Variants in GLIPR1L2 observed in about 807,000 individuals in gnomAD.
GLIPR1L2 encodes GLIPR1 like 2.
A neutral mutation model predicts 28.4 loss-of-function variants in GLIPR1L2; 21 were observed. The observed-to-expected ratio is 0.74, with a 90% CI of 0.52 to 1.06. GLIPR1L2 has a LOEUF of 1.06. GLIPR1L2 is among the 50% of genes least tolerant of loss of function. The probability of loss-of-function intolerance (pLI) is 0.00; values close to 1 mark genes in which losing one functional copy is unlikely to be tolerated. For missense variants in GLIPR1L2, 476 were observed against 416.9 expected, an observed-to-expected ratio of 1.14 and a Z score of -1.23; for synonymous variants, 145 against 139.3, an observed-to-expected ratio of 1.04 and a Z score of -0.29.
At position 75,401,382 on chromosome 12, in the gene GLIPR1L2, G is replaced by GA. The variant is rs548271223; in HGVS notation, c.235-9043dup. The stretch of plus-strand genomic sequence containing the variant: ...AGATAAAAAGAAATACTATGTATTG[G>GA]AAAAAAAAAGGTATAATCCATGAAG... On this transcript the variant is annotated intron_variant, in intron 1 of 5. Transcript: ENST00000550916. 5.5e-3 allele frequency among the ~76,000 whole-genome samples: 813 copies of GA among 148,932 alleles called. 5 individuals carry two copies. Among genetic ancestry groups the GA allele is most frequent in the Non-Finnish European group, 7.5e-3 (503 of 67,002 alleles).
At chr12:75,426,630 A>G (rs2046036919) in intron 4 of GLIPR1L2, among the ~76,000 whole-genome samples, 1 of 152,234 alleles carries the variant, frequency 6.6e-6, no homozygotes, top group Admixed American at 6.5e-5. Flanking sequence ...TTTCAGCTCT[A>G]CAATACAAAA....
intron 1 of GLIPR1L2, among the ~76,000 whole-genome samples, chr12:75,408,901 T>A (rs151127613): frequency 4.5e-4 from 69 of 152,176 alleles, no homozygotes; most frequent in African/African-American, 1.6e-3. Context: ...GCAATTTTTT[T>A]AATAGTGGTT....
chr12:75,394,955 C>G (rs2045668127), intron 1 of GLIPR1L2, among the ~76,000 whole-genome samples: 1 of 151,636 alleles, frequency 6.6e-6, no homozygotes, highest in African/African-American at 2.4e-5. Flanking sequence ...ATGTTTTTCC[C>G]TCTTTGGCTA....
At chr12:75,416,838 T>G (rs933567941) in intron 3 of GLIPR1L2, among the ~76,000 whole-genome samples, 4 of 152,132 alleles carry the variant, frequency 2.6e-5, no homozygotes, top group Non-Finnish European at 4.4e-5. Flanking sequence ...CAAGTCTACC[T>G]TGAAGGATCT....
intron 2 of GLIPR1L2, among the ~76,000 whole-genome samples, chr12:75,412,302 A>G (rs1170405438): frequency 1.3e-5 from 2 of 151,986 alleles, no homozygotes; most frequent in Admixed American, 6.6e-5. Context: ...TTCTGGATCA[A>G]CCGTGTTCTC....
intron 4 of GLIPR1L2, among the ~76,000 whole-genome samples, chr12:75,429,913 CCTTTT>C (rs201000308): frequency 0.045 from 5,354 of 119,248 alleles, 125 homozygotes; most frequent in East Asian, 0.065. Flanking sequence ...GTCAATTAAA[CCTTTT>C]CTTTTCTTTT....
chr12:75,428,922 C>T (rs79572850), intron 4 of GLIPR1L2, among the ~76,000 whole-genome samples: 6,148 of 152,268 alleles, frequency 0.04, 135 homozygotes, highest in East Asian at 0.054. Context: ...GGAGCCTTCA[C>T]GTAGATTTCA....
rs1324239890 is a variant in GLIPR1L2 at position 75,431,655 on chromosome 12, A to G, written c.*494A>G. 1.3e-5 allele frequency: 2 copies of G among 152,440 alleles called. No homozygotes were observed. The highest frequency in any genetic ancestry group is 4.8e-5 in the African/African-American group (2 of 41,414). 9.4% of individuals were successfully genotyped at this position (152,440 alleles called of 1,614,324 possible). A position where few individuals can be genotyped will look rare whatever the true frequency, so the allele number is the denominator to read the frequency against. ...ATTTTCATGTGATATTAAGGTATCT[A>G]ATATTATTATTTGTCTTTGTGGTTT... On this transcript the variant is annotated 3_prime_UTR_variant, in exon 6 of 6. Coordinates refer to ENST00000550916, the MANE Select transcript of GLIPR1L2 (RefSeq NM_001270396.2).
At chr12:75,393,555 T>G (rs2045652895) in intron 1 of GLIPR1L2, among the ~76,000 whole-genome samples, 1 of 152,136 alleles carries the variant, frequency 6.6e-6, no homozygotes, top group Non-Finnish European at 1.5e-5. Flanking sequence ...TCACCCATGT[T>G]GTAGCATGTG....
intron 3 of GLIPR1L2, among the ~76,000 whole-genome samples, chr12:75,417,803 A>G (rs1437543671): frequency 1.3e-5 from 2 of 152,092 alleles, no homozygotes; most frequent in Non-Finnish European, 2.9e-5. Context: ...ATAATTATTT[A>G]CTAGTCCTTA....
At chr12:75,396,321 GC>G (rs1026041590) in intron 1 of GLIPR1L2, among the ~76,000 whole-genome samples, 3 of 151,722 alleles carry the variant, frequency 2.0e-5, no homozygotes, top group African/African-American at 7.3e-5. Context: ...TCACCACCAC[GC>G]CCAGCTGATT....
At chr12:75,417,102 G>T (rs1477614656) in intron 3 of GLIPR1L2, among the ~76,000 whole-genome samples, 1 of 152,038 alleles carries the variant, frequency 6.6e-6, no homozygotes. Flanking sequence ...TACTTAAATG[G>T]CAAAAGTGTG....
chr12:75,419,011 C>T (rs2134140), intron 3 of GLIPR1L2, among the ~76,000 whole-genome samples: 26,570 of 151,222 alleles, frequency 0.18, 2,571 homozygotes, highest in Admixed American at 0.24. Context: ...TGGGGCCTGT[C>T]GGGGTGGGGT....
In GLIPR1L2 at chr12:75,430,857, C is replaced by A. The variant is rs1461758982; in HGVS notation, c.731C>A (p.Pro244His). 1 of 1,534,432 alleles carries A rather than the reference C, an allele frequency of 6.5e-7. No individual in the cohort carries two copies. The highest frequency in any genetic ancestry group is 1.2e-5 in the South Asian group (1 of 83,834). ...TTTTGGTATCCAAAATGGGAAATGC[C>A]CCGGCCAGTTGTGTGTGATCCACTG... is the stretch of plus-strand genomic sequence containing the variant. ...YRFWYPKWEM[P>H]RPVVCDPLCT... Residue 244 changes from proline (P) to histidine (H), a missense_variant, in exon 6 of 6, where the codon CCC (proline) becomes CAC (histidine). Coordinates refer to ENST00000550916, the MANE Select transcript of GLIPR1L2 (RefSeq NM_001270396.2).
chr12:75,395,695 T>C (rs1328813175), intron 1 of GLIPR1L2, among the ~76,000 whole-genome samples: 1 of 151,884 alleles, frequency 6.6e-6, no homozygotes, highest in African/African-American at 2.4e-5. Flanking sequence ...TCTGTTTAGA[T>C]TTTCTGTTTC....
chr12:75,414,420 C>A (rs1346102504), intron 3 of GLIPR1L2, among the ~76,000 whole-genome samples: 1 of 151,826 alleles, frequency 6.6e-6, no homozygotes, highest in African/African-American at 2.4e-5. Context: ...GACTGCCTAC[C>A]AAGATTGAGA....
chr12:75,422,852 G>A, intron 3 of GLIPR1L2, 52 bp from the exon 4 acceptor site: 1 of 1,433,308 alleles, frequency 7.0e-7, no homozygotes, highest in African/African-American at 1.4e-5. Flanking sequence ...TAAATTACAT[G>A]TAAAAATGGA....
At chr12:75,399,562 A>G (rs1478559600) in intron 1 of GLIPR1L2, among the ~76,000 whole-genome samples, 1 of 152,134 alleles carries the variant, frequency 6.6e-6, no homozygotes, top group Non-Finnish European at 1.5e-5. Flanking sequence ...AGGATCTGTT[A>G]GTATCCTTTA....
chr12:75,405,499 G>A (rs1168155952), intron 1 of GLIPR1L2, among the ~76,000 whole-genome samples: 1 of 152,122 alleles, frequency 6.6e-6, no homozygotes, highest in Non-Finnish European at 1.5e-5. Flanking sequence ...GAGCAGGGAG[G>A]AAGAGGTAAC....
Sources: gnomAD v4.1 joint callset for allele counts (sites outside exome capture counted in the v4.1 genomes callset) on GRCh38, gnomAD v4.1.1 for gene constraint, MANE v1.5 for transcripts, NCBI Gene and HGNC (gene_info 2026-07-23, HGNC 2026-07-21) for gene names.